Variants in SLFN12 observed in about 807,000 individuals in gnomAD.
The protein encoded by SLFN12 is schlafen family member 12.
In SLFN12, 25 loss-of-function variants were observed where a neutral mutation model predicts 29.1. That is an observed-to-expected ratio of 0.86 (90% CI 0.63 to 1.20). The LOEUF (loss-of-function observed/expected upper bound fraction) is 1.20. Among genes scored for constraint, SLFN12 ranks in the 50% most tolerant of loss-of-function variants. The pLI is 0.00. For synonymous variants in SLFN12, 257 were observed against 238.7 expected (o/e 1.08, Z -0.71); for missense variants, 660 against 666.2 (o/e 0.99, Z 0.10).
chr17:35,414,326 A>G (rs1454429273), intron 3 of SLFN12, among the ~76,000 whole-genome samples: 3 of 152,076 alleles, frequency 2.0e-5, no homozygotes, highest in African/African-American at 7.2e-5. Context: ...CTAACAACAA[A>G]TTATCCTATA....
chr17:35,414,397 T>A (rs940960404), intron 3 of SLFN12, among the ~76,000 whole-genome samples: 7 of 152,014 alleles, frequency 4.6e-5, no homozygotes, highest in African/African-American at 7.2e-5. Flanking sequence ...TAATAAATGT[T>A]ATCAAGGAGA....
rs772436516 is a variant in SLFN12 at position 35,411,564 on chromosome 17, C to G, written c.1511G>C (p.Gly504Ala). Residue 504 changes from glycine (G) to alanine (A), a missense_variant, in exon 4 of 4, where the codon GGC becomes GCC. Physicochemically the swap from Gly to Ala is moderately conservative, Grantham distance 60. Transcript: ENST00000304905. ...TAAATCATACTGGCAGCTTGTCATG[C>G]CTTCAGGGCTCAAGTAGAAGATCTT... ...MTKIFYLSPE[G>A]MTSCQYDLRS... 2.5e-6 allele frequency: 4 copies of G among 1,614,008 alleles called. No individual in the cohort carries two copies. Among genetic ancestry groups the G allele is most frequent in the Non-Finnish European group, 3.4e-6 (4 of 1,179,984 alleles).
intron 3 of SLFN12, 90 bp downstream of exon 3, chr17:35,420,184 A>G: frequency 1.2e-6 from 1 of 866,550 alleles, no homozygotes; most frequent in Non-Finnish European, 1.9e-6. Flanking sequence ...ATGTGCTTTC[A>G]GAGCAAATTT....
chr17:35,420,492 A>C, intron 2 of SLFN12, 111 bp from the exon 3 acceptor site: 1 of 684,112 alleles, frequency 1.5e-6, no homozygotes, highest in Admixed American at 3.4e-5. Flanking sequence ...GTTTTCCAAA[A>C]AAAAATTAAT....
rs190643330 is a variant in SLFN12, at chr17:35,430,657, A to T, written c.-41+1531T>A. The T allele has an allele frequency of 2.6e-5, 4 of 152,238 alleles. No homozygotes were observed. The East Asian group carries it at 7.7e-4, about 29-fold the overall frequency. The allele number at this position is 152,238 out of a possible 1,614,324, so 9.4% of individuals were successfully genotyped here. ...CACCAGGGAGCCTATTATTATGATG[A>T]CTATTGGGAGGATAATACCAAGAGT... On this transcript the variant is annotated intron_variant, in intron 1 of 3. Transcript: ENST00000304905.
At chr17:35,427,327 G>C (rs1057255056) in intron 1 of SLFN12, among the ~76,000 whole-genome samples, 4 of 152,088 alleles carry the variant, frequency 2.6e-5, no homozygotes, top group Non-Finnish European at 5.9e-5. Flanking sequence ...TGTTTCCATG[G>C]AGAAACAGAG....
rs767630876 is a variant in SLFN12 at position 35,422,250 on chromosome 17, A to G, written c.779T>C (p.Leu260Ser). Residue 260 changes from leucine to serine, a missense_variant, in exon 2 of 4, where the codon TTA (leucine) becomes TCA (serine). Coordinates refer to ENST00000304905, the MANE Select transcript of SLFN12 (RefSeq NM_018042.5). ...AATGGACTTTTCGATTTCTCTTTCT[A>G]AGTCATCGAGGTCACTCATCTCTGC... ...FKAEMSDLDD[L>S]EREIEKSIRK... The G allele has an allele frequency of 1.9e-6, 3 of 1,614,112 alleles. No homozygotes were observed. The South Asian group carries it at 3.3e-5, about 18-fold the overall frequency.
chr17:35,420,579 T>G, intron 2 of SLFN12, 198 bp from the exon 3 acceptor site: 2 of 401,920 alleles, frequency 5.0e-6, no homozygotes, highest in Non-Finnish European at 8.8e-6. Flanking sequence ...CACACTATAT[T>G]TCAAATGAAA....
intron 1 of SLFN12, among the ~76,000 whole-genome samples, chr17:35,426,971 G>A (rs1427633641): frequency 1.3e-5 from 2 of 152,078 alleles, no homozygotes; most frequent in African/African-American, 2.4e-5. Flanking sequence ...ACATCTGGGG[G>A]TCTATAGTCT....
chr17:35,421,688 T>C (rs1463404105), intron 2 of SLFN12, among the ~76,000 whole-genome samples: 1 of 151,770 alleles, frequency 6.6e-6, no homozygotes, highest in Non-Finnish European at 1.5e-5. Context: ...TACAGGCACG[T>C]GCCATCACAC....
At chr17:35,423,097 G>A (rs1911804814) in intron 1 of SLFN12, 29 bp from the exon 2 acceptor site, 1 of 1,522,960 alleles carries the variant, frequency 6.6e-7, no homozygotes, top group African/African-American at 1.4e-5. Context: ...CATTAGAATA[G>A]GACCTGAACT....
chr17:35,415,416 A>T (rs1911258706), intron 3 of SLFN12, among the ~76,000 whole-genome samples: 1 of 152,156 alleles, frequency 6.6e-6, no homozygotes. Context: ...AAATTCTACA[A>T]GATAACATCA....
At position 35,426,225 on chromosome 17, in the gene SLFN12, T is replaced by C. The variant is rs147087681; in HGVS notation, c.-40-3157A>G. 9.5e-4 allele frequency among the ~76,000 whole-genome samples: 145 copies of C among 152,142 alleles called. 1 individual carries two copies. Among genetic ancestry groups the C allele is most frequent in the Non-Finnish European group, 1.7e-3 (117 of 68,006 alleles). On this transcript the variant is annotated intron_variant, in intron 1 of 3. Coordinates refer to ENST00000304905, the MANE Select transcript of SLFN12 (RefSeq NM_018042.5). Reference sequence around the variant, plus strand: ...TATCAGATGTATGGTTTACAAATGTTTTCTTTCATTCTGTAGCCTATTCTT... The same window carrying C: ...TATCAGATGTATGGTTTACAAATGTCTTCTTTCATTCTGTAGCCTATTCTT...
At chr17:35,432,856 A>T (rs1912398626), upstream of SLFN12, 1 of 152,108 alleles carries the variant, frequency 6.6e-6, no homozygotes, top group Non-Finnish European at 1.5e-5. Flanking sequence ...CTCCCCAGAA[A>T]TGAAAAACTA....
Position 35,411,530 on chromosome 17 carries a change from T to C in SLFN12, c.1545A>G (p.Gln515=), listed in dbSNP as rs1445950465. The change falls in exon 4 of 4, where the codon CAA becomes CAG. Residue 515 remains glutamine, a synonymous_variant. Coordinates refer to ENST00000304905, the MANE Select transcript of SLFN12 (RefSeq NM_018042.5). ...AATAGTAGGATTCAGGGTAAATTAC[T>C]TGCGACCTTAAATCATACTGGCAGC... ...MTSCQYDLRS[Q]VIYPESYYFT... 6.2e-7 allele frequency: 1 copy of C among 1,614,118 alleles called. No homozygotes were observed. Among genetic ancestry groups the C allele is most frequent in the African/African-American group, 1.3e-5 (1 of 75,060 alleles).
rs756030293 is a variant in SLFN12, at chr17:35,411,541, A to G, written c.1534T>C (p.Leu512=). ...TCAGGGTAAATTACTTGCGACCTTA[A>G]ATCATACTGGCAGCTTGTCATGCCT... ...PEGMTSCQYD[L]RSQVIYPESY... is the part of the protein sequence containing the mutation. The change falls in exon 4 of 4, where the codon TTA becomes CTA. Residue 512 remains leucine, a synonymous_variant. Transcript: ENST00000304905. The G allele has an allele frequency of 1.9e-6, 3 of 1,614,078 alleles. No homozygotes were observed. Among genetic ancestry groups the G allele is most frequent in the Non-Finnish European group, 2.5e-6 (3 of 1,179,998 alleles).
intron 1 of SLFN12, among the ~76,000 whole-genome samples, chr17:35,429,765 A>G (rs1439884137): frequency 6.6e-6 from 1 of 152,048 alleles, no homozygotes; most frequent in East Asian, 1.9e-4. Context: ...TCAGGACAGC[A>G]CTGCTCTCAT....
chr17:35,417,911 A>G (rs1597769844), intron 3 of SLFN12, among the ~76,000 whole-genome samples: 2 of 152,182 alleles, frequency 1.3e-5, no homozygotes, highest in Middle Eastern at 6.8e-3. Context: ...GTGTAATAAA[A>G]GATGTACAAA....
At chr17:35,426,295 T>C (rs998987249) in intron 1 of SLFN12, among the ~76,000 whole-genome samples, 1 of 152,168 alleles carries the variant, frequency 6.6e-6, no homozygotes, top group African/African-American at 2.4e-5. Flanking sequence ...GCTTTTTGGT[T>C]TGATGTAATC....
Sources: allele counts gnomAD v4.1 joint callset (sites outside exome capture counted in the v4.1 genomes callset), GRCh38; gene constraint gnomAD v4.1.1; transcripts MANE v1.5; gene names NCBI Gene and HGNC (gene_info 2026-07-23, HGNC 2026-07-21).